The following CEP112 variants were observed in gnomAD, a reference collection of about 807,000 sequenced individuals.
CEP112 encodes centrosomal protein of 112 kDa.
In CEP112, 127 loss-of-function variants were observed where a neutral mutation model predicts 153.0. The observed-to-expected ratio is 0.83, with a 90% CI of 0.72 to 0.96. The LOEUF (loss-of-function observed/expected upper bound fraction) is 0.96. Among genes scored for constraint, CEP112 ranks in the 40% least tolerant of loss-of-function variants. CEP112 has a pLI of 0.00. For missense variants in CEP112, 1,089 were observed against 1,101.2 expected (o/e 0.99, Z 0.16); for synonymous variants, 358 against 374.4 (o/e 0.96, Z 0.51).
chr17:65,911,772 G>C (rs905289545), intron 19 of CEP112, among the ~76,000 whole-genome samples: 1 of 152,172 alleles, frequency 6.6e-6, no homozygotes, highest in African/African-American at 2.4e-5. Flanking sequence ...GGCAAATGTA[G>C]CATGGTCCTG....
intron 18 of CEP112, among the ~76,000 whole-genome samples, chr17:65,956,815 A>G (rs890974529): frequency 6.6e-6 from 1 of 152,176 alleles, no homozygotes; most frequent in Non-Finnish European, 1.5e-5. Context: ...ATACATAAAA[A>G]TAAAAATGTT....
At chr17:65,744,497 G>A (rs1342794759) in intron 22 of CEP112, among the ~76,000 whole-genome samples, 1 of 152,040 alleles carries the variant, frequency 6.6e-6, no homozygotes, top group Non-Finnish European at 1.5e-5. Context: ...TGCCCGCCTT[G>A]GCCTCCCAAA....
At chr17:65,965,288 A>C (rs2062367645) in intron 17 of CEP112, among the ~76,000 whole-genome samples, 1 of 152,160 alleles carries the variant, frequency 6.6e-6, no homozygotes, top group South Asian at 2.1e-4. Context: ...ATTGTTTTCA[A>C]TTGATCATTT....
chr17:65,937,591 C>T (rs1471467777), intron 18 of CEP112, among the ~76,000 whole-genome samples: 2 of 108,180 alleles, frequency 1.8e-5, no homozygotes, highest in African/African-American at 3.1e-5. Flanking sequence ...CCCCACCCGG[C>T]CAGCCGCCCC....
chr17:65,826,239 T>A (rs62065084), intron 21 of CEP112: 1 of 1,614,012 alleles, frequency 6.2e-7, no homozygotes, highest in South Asian at 1.1e-5. Flanking sequence ...CTCATCTCTA[T>A]CAGTCTCAGG....
At chr17:65,724,173 C>A (rs141579831) in intron 23 of CEP112, among the ~76,000 whole-genome samples, 10 of 152,278 alleles carry the variant, frequency 6.6e-5, no homozygotes, top group African/African-American at 2.4e-4. Context: ...GCCTTTGCTG[C>A]TACTACTGCT....
chr17:65,680,639 T>G (rs994222124), intron 24 of CEP112, among the ~76,000 whole-genome samples: 1 of 152,128 alleles, frequency 6.6e-6, no homozygotes, highest in Non-Finnish European at 1.5e-5. Flanking sequence ...TGAGGGAGTT[T>G]GATGGAAAAA....
intron 21 of CEP112, among the ~76,000 whole-genome samples, chr17:65,837,572 G>T (rs11657478): frequency 7.9e-5 from 12 of 151,914 alleles, no homozygotes; most frequent in Admixed American, 7.9e-4. Flanking sequence ...CCCGGCTGCC[G>T]CCCCGTCTGG....
At chr17:65,746,397 A>G (rs2051471428) in intron 22 of CEP112, among the ~76,000 whole-genome samples, 1 of 152,162 alleles carries the variant, frequency 6.6e-6, no homozygotes, top group Non-Finnish European at 1.5e-5. Flanking sequence ...CAGAATGTTA[A>G]AACACTTCAG....
intron 8 of CEP112, among the ~76,000 whole-genome samples, chr17:66,095,026 G>T (rs1443894489): frequency 1.3e-5 from 2 of 152,120 alleles, no homozygotes. Context: ...GGAGAAAAAA[G>T]AACCCTTGCC....
intron 4 of CEP112, among the ~76,000 whole-genome samples, chr17:66,161,569 C>T (rs1340595964): frequency 1.3e-5 from 2 of 152,072 alleles, no homozygotes; most frequent in Non-Finnish European, 2.9e-5. Context: ...TCATTCTTAG[C>T]AAACTAACAC....
chr17:66,007,853 G>C (rs776352632), intron 16 of CEP112, among the ~76,000 whole-genome samples: 4 of 152,050 alleles, frequency 2.6e-5, no homozygotes, highest in African/African-American at 9.7e-5. Flanking sequence ...TTCTTTCTTA[G>C]TCAAGTTCTC....
chr17:65,846,277 T>C (rs1008828266), intron 21 of CEP112, among the ~76,000 whole-genome samples: 1 of 152,220 alleles, frequency 6.6e-6, no homozygotes, highest in African/African-American at 2.4e-5. Context: ...GCTTGTTAGT[T>C]TTATTCAAAC....
chr17:66,084,700 G>T (rs1216608261), intron 8 of CEP112, among the ~76,000 whole-genome samples: 1 of 152,026 alleles, frequency 6.6e-6, no homozygotes, highest in Non-Finnish European at 1.5e-5. Context: ...GAGTTGGGAT[G>T]GTTAATGGGT....
intron 17 of CEP112, among the ~76,000 whole-genome samples, chr17:65,987,322 A>C (rs773228832): frequency 6.6e-6 from 1 of 152,180 alleles, no homozygotes; most frequent in Non-Finnish European, 1.5e-5. Context: ...AAGAGCAAAA[A>C]TGCAAATCAG....
At chr17:65,643,320 T>C (rs892159040) in intron 24 of CEP112, among the ~76,000 whole-genome samples, 2 of 151,954 alleles carry the variant, frequency 1.3e-5, no homozygotes, top group Non-Finnish European at 2.9e-5. Context: ...TCTTTTGAGA[T>C]GGCATTTCAA....
chr17:65,932,174 CTA>C (rs1193363323), intron 18 of CEP112, among the ~76,000 whole-genome samples: 1 of 152,186 alleles, frequency 6.6e-6, no homozygotes, highest in Non-Finnish European at 1.5e-5. Flanking sequence ...CCCCTCGTAA[CTA>C]AAGAACCCAA....
Position 65,796,773 on chromosome 17 carries a change from C to T in CEP112, c.2395-46049G>A, listed in dbSNP as rs148235559. On this transcript the variant is annotated intron_variant, in intron 21 of 26. Transcript: ENST00000535342. Reference sequence around the variant, plus strand: ...TTGGGTTGGGCATGGTGGCTCACGCCTGTAATCCCAGCACTTTGGGAAGCT... The same window carrying T: ...TTGGGTTGGGCATGGTGGCTCACGCTTGTAATCCCAGCACTTTGGGAAGCT... 1.7e-3 allele frequency among the ~76,000 whole-genome samples: 248 copies of T among 149,310 alleles called. 3 individuals carry two copies. The East Asian group carries it at 0.026, about 16-fold the overall frequency.
At chr17:66,082,803 C>T (rs1379456372) in intron 8 of CEP112, among the ~76,000 whole-genome samples, 1 of 151,172 alleles carries the variant, frequency 6.6e-6, no homozygotes, top group Non-Finnish European at 1.5e-5. Context: ...CTGTAGCCAC[C>T]AAAACAAACC....
Sources: gnomAD v4.1 joint callset for allele counts (sites outside exome capture counted in the v4.1 genomes callset) on GRCh38, gnomAD v4.1.1 for gene constraint, MANE v1.5 for transcripts, NCBI Gene and HGNC (gene_info 2026-07-23, HGNC 2026-07-21) for gene names.